The following OPN1LW variants were observed in gnomAD, a reference collection of about 807,000 sequenced individuals.
OPN1LW encodes long-wave-sensitive opsin 1.
Under a neutral mutation model 18.1 loss-of-function variants are expected in OPN1LW, and 4 were observed. The observed-to-expected ratio is 0.22, with a 90% confidence interval of 0.11 to 0.51. OPN1LW has a LOEUF of 0.51. OPN1LW is among the 20% of genes least tolerant of loss of function. The pLI is 0.97. For missense variants in OPN1LW, 164 were observed against 234.9 expected (o/e 0.70, Z 1.97); for synonymous variants, 86 against 101.2 (o/e 0.85, Z 0.90).
intron 1 of OPN1LW, among the ~76,000 whole-genome samples, chrX:154,149,371 C>A (rs1557157315): frequency 1.0e-5 from 1 of 100,153 alleles, no homozygotes; most frequent in East Asian, 2.9e-4. Context: ...CTACTAAAAG[C>A]ACAAAAATTA....
chrX:154,149,419 C>A (rs2067067168), intron 1 of OPN1LW, among the ~76,000 whole-genome samples: 1 of 97,829 alleles, frequency 1.0e-5, no homozygotes, highest in Non-Finnish European at 1.9e-5. Context: ...ATCCCAGCTA[C>A]TACTCCGGAG....
chrX:154,144,577 C>T (rs1283241002), intron 1 of OPN1LW, among the ~76,000 whole-genome samples, 182 bp downstream of exon 1: 1 of 26,556 alleles, frequency 3.8e-5, no homozygotes, highest in Non-Finnish European at 7.0e-5. Context: ...ACCATAATAT[C>T]GAATATGCAT....
rs782583807 is a variant in OPN1LW at position 154,154,643 on chromosome X, G to A, written c.648G>A (p.Val216=). 1.3e-5 allele frequency: 15 copies of A among 1,186,808 alleles called. No homozygotes were observed. The African/African-American group carries it at 2.2e-4, about 17-fold the overall frequency. The change falls in exon 4 of 6, where the codon GTG becomes GTA. Residue 216 remains valine (V), a synonymous_variant. Transcript: ENST00000369951. ...DVFSGSSYPG[V]QSYMIVLMVT... ...TCAGCGGCAGCTCGTACCCCGGGGT[G>A]CAGTCTTACATGATTGTCCTCATGG...
intron 1 of OPN1LW, among the ~76,000 whole-genome samples, chrX:154,149,178 C>G (rs782112973): frequency 1.0e-5 from 1 of 99,641 alleles, no homozygotes; most frequent in Non-Finnish European, 1.9e-5. Flanking sequence ...GCACTCCAGC[C>G]TGGGTGACAG....
Position 154,156,431 on chromosome X carries a change from C to T in OPN1LW, c.882C>T (p.Asn294=). ...YTFFACFAAA[N]PGYAFHPLMA... is the part of the protein sequence containing the mutation. The stretch of plus-strand genomic sequence containing the variant: ...TCTTCGCATGCTTTGCTGCTGCCAA[C>T]CCTGGTTACGCCTTCCACCCTTTGA... Residue 294 remains asparagine (N), a synonymous_variant, in exon 5 of 6, where the codon AAC becomes AAT. Transcript: ENST00000369951. The T allele has an allele frequency of 1.7e-6, 2 of 1,205,137 alleles. No individual in the cohort carries two copies. The highest frequency in any genetic ancestry group is 1.7e-5 in the African/African-American group (1 of 57,644).
In OPN1LW at chrX:154,156,452, T is replaced by C. The variant is rs782521889; in HGVS notation, c.903T>C (p.Pro301=). The change falls in exon 5 of 6, where the codon CCT becomes CCC. Residue 301 remains proline, a synonymous_variant. Transcript: ENST00000369951. The part of the protein sequence containing the change: ...AAANPGYAFH[P]LMAALPAYFA... ...CCAACCCTGGTTACGCCTTCCACCC[T>C]TTGATGGCTGCCCTGCCGGCCTACT... 8.3e-7 allele frequency: 1 copy of C among 1,205,173 alleles called. No homozygotes were observed. Among genetic ancestry groups the C allele is most frequent in the Non-Finnish European group, 1.1e-6 (1 of 890,535 alleles).
chrX:154,154,789 G>A (rs2067081001), intron 4 of OPN1LW, 50 bp downstream of exon 4: 2 of 1,050,381 alleles, frequency 1.9e-6, no homozygotes. Flanking sequence ...CCCCTAAGCT[G>A]CTCTGCCCTC....
chrX:154,148,588 T>C lies in OPN1LW; in HGVS notation c.113-2068T>C, dbSNP rs187328534. Among the ~76,000 whole-genome samples, 66 of 103,307 alleles carry C rather than the reference T, an allele frequency of 6.4e-4. 2 individuals are homozygous for C. In the East Asian group the frequency reaches 0.018, roughly 28 times the overall value. The allele number at this position is 103,307 out of a possible 115,157, so 89.7% of individuals were successfully genotyped here. ...TCCCAGCCGACTGTATCTCTAAATA[T>C]ATAATAATCATAATCATAATCAGGA... On this transcript the variant is annotated intron_variant, in intron 1 of 5. Transcript: ENST00000369951.
At chrX:154,148,932 G>A (rs1603345049) in intron 1 of OPN1LW, among the ~76,000 whole-genome samples, 1 of 105,276 alleles carries the variant, frequency 9.5e-6, no homozygotes, top group Admixed American at 9.7e-5. Flanking sequence ...GTGGCCGGGC[G>A]CAGTGGCTCA....
chrX:154,156,383 C>T lies in OPN1LW; in HGVS notation c.834C>T (p.Cys278=), dbSNP rs781838044. The change falls in exon 5 of 6, where the codon TGC becomes TGT. Residue 278 remains cysteine, a synonymous_variant. Transcript: ENST00000369951. ...TGGTGGTGATGATCTTTGCGTACTG[C>T]GTCTGCTGGGGACCCTACACCTTCT... The part of the protein sequence containing the change: ...RMVVVMIFAY[C]VCWGPYTFFA... 26 of 1,202,938 alleles carry T rather than the reference C, an allele frequency of 2.2e-5. 1 individual carries two copies. Among genetic ancestry groups the T allele is most frequent in the Middle Eastern group, 2.3e-4 (1 of 4,342 alleles).
In OPN1LW at chrX:154,154,698, A is replaced by G. The variant is rs782358874; in HGVS notation, c.703A>G (p.Ile235Val). 1.7e-6 allele frequency: 2 copies of G among 1,194,460 alleles called. No individual in the cohort carries two copies. The highest frequency in any genetic ancestry group is 4.5e-5 in the Admixed American group (2 of 44,588). The change falls in exon 4 of 6, where the codon ATC becomes GTC. Residue 235 changes from isoleucine to valine, a missense_variant. Physicochemically the swap from Ile to Val is conservative, Grantham distance 29. Coordinates refer to ENST00000369951, the MANE Select transcript of OPN1LW (RefSeq NM_020061.6). ...CTGCTGCATCATCCCACTCGCTATC[A>G]TCATGCTCTGCTACCTCCAAGTGTG... Reference protein sequence around the residue: ...VTCCIIPLAIIMLCYLQVWLA... With the variant: ...VTCCIIPLAIVMLCYLQVWLA...
chrX:154,149,265 T>C lies in OPN1LW; in HGVS notation c.113-1391T>C, dbSNP rs782494466. 2.7e-3 allele frequency among the ~76,000 whole-genome samples: 271 copies of C among 100,985 alleles called. 14 individuals carry two copies. Among genetic ancestry groups the C allele is most frequent in the African/African-American group, 0.01 (237 of 22,880 alleles). 87.7% of individuals were successfully genotyped at this position (100,985 alleles called of 115,157 possible). ...TTACCAGGCTGTGCATGGTGGCTCA[T>C]GCCTGCAATCCCAGTACTTTGGGAG... On this transcript the variant is annotated intron_variant, in intron 1 of 5. Transcript: ENST00000369951.
intron 2 of OPN1LW, 46 bp downstream of exon 2, chrX:154,150,998 C>G (rs781985694): frequency 3.4e-6 from 4 of 1,175,678 alleles, no homozygotes; most frequent in Non-Finnish European, 4.5e-6. Flanking sequence ...CTCATTCACC[C>G]TGCAAGCTCC....
chrX:154,156,011 G>A (rs1330443922), intron 4 of OPN1LW, among the ~76,000 whole-genome samples: 14 of 12,025 alleles, frequency 1.2e-3, no homozygotes, highest in Non-Finnish European at 2.0e-3. Context: ...AGGCCTGAGC[G>A]CAGGACAGGA....
intron 1 of OPN1LW, among the ~76,000 whole-genome samples, chrX:154,148,463 C>T (rs184978836): frequency 4.9e-5 from 5 of 102,638 alleles, no homozygotes; most frequent in South Asian, 4.1e-4. Flanking sequence ...TTAGTAGAGA[C>T]GGGGTTTCAC....
At chrX:154,154,131 A>AT (rs1389055688) in intron 3 of OPN1LW, among the ~76,000 whole-genome samples, 3 of 94,537 alleles carry the variant, frequency 3.2e-5, no homozygotes, top group Admixed American at 1.1e-4. Flanking sequence ...CACCTAGCTA[A>AT]TTTTTTTTAT....
intron 2 of OPN1LW, among the ~76,000 whole-genome samples, 170 bp downstream of exon 2, chrX:154,151,122 CA>C (rs1211751938): frequency 1.3e-4 from 13 of 97,544 alleles, no homozygotes; most frequent in African/African-American, 5.5e-4. Flanking sequence ...TCTGAACACT[CA>C]CATTAAATTC....
chrX:154,151,014 C>T, intron 2 of OPN1LW, 62 bp downstream of exon 2: 1 of 1,172,432 alleles, frequency 8.5e-7, no homozygotes, highest in Non-Finnish European at 1.1e-6. Context: ...GCTCCTCCAG[C>T]CACCTCATGA....
In OPN1LW at chrX:154,156,436, G is replaced by C. The variant is rs782039891; in HGVS notation, c.887G>C (p.Gly296Ala). The C allele has an allele frequency of 8.3e-7, 1 of 1,204,955 alleles. No individual in the cohort carries two copies. The highest frequency in any genetic ancestry group is 1.1e-6 in the Non-Finnish European group (1 of 890,499). Residue 296 changes from glycine to alanine, a missense_variant, in exon 5 of 6, where the codon GGT becomes GCT. By Grantham distance (60) the Gly-to-Ala change is moderately conservative (BLOSUM62 0). This residue lies in a region of OPN1LW where 53 missense variants were observed against 50.2 expected (regional missense o/e 1.06). Coordinates refer to ENST00000369951, the MANE Select transcript of OPN1LW (RefSeq NM_020061.6). ...GCATGCTTTGCTGCTGCCAACCCTG[G>C]TTACGCCTTCCACCCTTTGATGGCT... Reference protein sequence around the residue: ...FFACFAAANPGYAFHPLMAAL... With the variant: ...FFACFAAANPAYAFHPLMAAL...
Sources: gnomAD v4.1 joint callset for allele counts (sites outside exome capture counted in the v4.1 genomes callset) on GRCh38, gnomAD v4.1.1 for gene constraint, gnomAD v4.1.1 regional missense constraint, MANE v1.5 for transcripts, NCBI Gene and HGNC (gene_info 2026-07-23, HGNC 2026-07-21) for gene names.